Variants in DCX observed in about 807,000 individuals in gnomAD.
DCX encodes the protein doublecortin, also known as neuronal migration protein doublecortin.
DCX carries 4 observed loss-of-function variants against 20.9 expected under a neutral mutation model. That is an observed-to-expected ratio of 0.19 (90% CI 0.09 to 0.44). The LOEUF is 0.44. Among genes scored for constraint, DCX ranks in the 20% least tolerant of loss-of-function variants. DCX has a pLI of 0.99. For missense variants in DCX, 133 were observed against 296.9 expected, an observed-to-expected ratio of 0.45 and a Z score of 4.06; for synonymous variants, 103 against 111.4, an observed-to-expected ratio of 0.92 and a Z score of 0.47.
At chrX:111,387,851 G>A (rs1208464321) in intron 3 of DCX, among the ~76,000 whole-genome samples, 1 of 111,670 alleles carries the variant, frequency 9.0e-6, no homozygotes, top group Non-Finnish European at 1.9e-5. Flanking sequence ...CATGCTGTGC[G>A]AGCCATTCAG....
At chrX:111,395,879 C>T (rs753622617) in intron 3 of DCX, among the ~76,000 whole-genome samples, 7 of 111,707 alleles carry the variant, frequency 6.3e-5, no homozygotes, top group Non-Finnish European at 1.3e-4. Flanking sequence ...CTGAGAGAGC[C>T]GGAGGCCAGG....
chrX:111,379,297 T>C (rs1178739794), intron 3 of DCX, among the ~76,000 whole-genome samples: 1 of 111,663 alleles, frequency 9.0e-6, no homozygotes, highest in African/African-American at 3.3e-5. Flanking sequence ...TGTGCAACTA[T>C]CACTGCAACC....
intron 3 of DCX, among the ~76,000 whole-genome samples, chrX:111,388,060 T>C (rs1926657768): frequency 1.8e-5 from 2 of 111,951 alleles, no homozygotes; most frequent in Non-Finnish European, 3.8e-5. Flanking sequence ...ACTAAATCTA[T>C]TGTGAAGGTT....
intron 3 of DCX, among the ~76,000 whole-genome samples, chrX:111,366,961 G>A (rs1196388335): frequency 9.0e-6 from 1 of 111,714 alleles, no homozygotes; most frequent in Non-Finnish European, 1.9e-5. Context: ...GAATAGTATC[G>A]TGAGTCTCTG....
chrX:111,316,090 A>AAATAAAT, intron 5 of DCX, among the ~76,000 whole-genome samples: 2 of 82,828 alleles, frequency 2.4e-5, no homozygotes, highest in African/African-American at 1.9e-4. Flanking sequence ...AAAAAATAAA[A>AAATAAAT]AAAAAAAAAA....
At chrX:111,318,184 C>CAA (rs1196651828) in intron 5 of DCX, among the ~76,000 whole-genome samples, 6 of 31,549 alleles carry the variant, frequency 1.9e-4, no homozygotes, top group East Asian at 1.1e-3. Context: ...GACTCGGTCT[C>CAA]AAAAAAAAAA....
chrX:111,375,223 CA>C (rs1175316912), intron 3 of DCX, among the ~76,000 whole-genome samples: 1 of 108,051 alleles, frequency 9.3e-6, no homozygotes, highest in Non-Finnish European at 1.9e-5. Flanking sequence ...ACTACATAAA[CA>C]CACACACAAA....
intron 3 of DCX, among the ~76,000 whole-genome samples, chrX:111,363,032 A>G (rs993652714): frequency 3.6e-5 from 4 of 111,959 alleles, no homozygotes; most frequent in Non-Finnish European, 5.6e-5. Flanking sequence ...TAAAGTTACA[A>G]CTGTGGTAAG....
chrX:111,367,474 T>C (rs751578937), intron 3 of DCX, among the ~76,000 whole-genome samples: 1 of 111,843 alleles, frequency 8.9e-6, no homozygotes, highest in East Asian at 2.8e-4. Context: ...TTCTTGAAAA[T>C]TGAGGTTTTA....
chrX:111,350,875 G>A (rs747117346), intron 3 of DCX, among the ~76,000 whole-genome samples: 4 of 112,265 alleles, frequency 3.6e-5, no homozygotes, highest in African/African-American at 1.3e-4. Context: ...CATGGTGGAA[G>A]GCAAGGATGA....
chrX:111,352,547 A>G (rs1170980856), intron 3 of DCX, among the ~76,000 whole-genome samples: 1 of 112,101 alleles, frequency 8.9e-6, no homozygotes, highest in Admixed American at 9.4e-5. Flanking sequence ...TGTATGGTTA[A>G]TGACTCAGCC....
intron 3 of DCX, among the ~76,000 whole-genome samples, chrX:111,347,469 C>T (rs1044729984): frequency 4.5e-5 from 5 of 111,567 alleles, no homozygotes; most frequent in Non-Finnish European, 7.5e-5. Context: ...CTTTGGCTTG[C>T]CTTGTGGGGC....
intron 5 of DCX, among the ~76,000 whole-genome samples, chrX:111,326,619 G>A (rs1217924706): frequency 1.8e-5 from 2 of 111,664 alleles, no homozygotes; most frequent in Admixed American, 1.9e-4. Flanking sequence ...ATATGACTTG[G>A]ATTCTAAGAG....
At chrX:111,361,389 T>C (rs1924195594) in intron 3 of DCX, among the ~76,000 whole-genome samples, 1 of 112,317 alleles carries the variant, frequency 8.9e-6, no homozygotes, top group African/African-American at 3.2e-5. Context: ...ATTTTTGTTT[T>C]GCATGGGACA....
At chrX:111,378,655 T>C (rs1925728139) in intron 3 of DCX, among the ~76,000 whole-genome samples, 1 of 111,112 alleles carries the variant, frequency 9.0e-6, no homozygotes, top group African/African-American at 3.3e-5. Context: ...CATTAGTAGC[T>C]TGCCCCACGA....
At chrX:111,389,611 G>T in intron 3 of DCX, among the ~76,000 whole-genome samples, 1 of 111,595 alleles carries the variant, frequency 9.0e-6, no homozygotes, top group Non-Finnish European at 1.9e-5. Context: ...CCAGCTACTC[G>T]GGAGGCTAAA....
chrX:111,312,880 A>G (rs772371943), intron 5 of DCX, 144 bp from the exon 6 acceptor site: 124 of 566,131 alleles, frequency 2.2e-4, no homozygotes, highest in Middle Eastern at 1.8e-3. Flanking sequence ...CAAAGGTGAA[A>G]AGAAACACAT....
chrX:111,389,454 A>C (rs971707484), intron 3 of DCX, among the ~76,000 whole-genome samples: 2 of 111,507 alleles, frequency 1.8e-5, no homozygotes, highest in African/African-American at 6.5e-5. Context: ...TCCCAAGCCT[A>C]TATCTCTAGC....
intron 3 of DCX, among the ~76,000 whole-genome samples, chrX:111,338,876 C>T (rs755696625): frequency 9.0e-6 from 1 of 111,497 alleles, no homozygotes; most frequent in African/African-American, 3.3e-5. Flanking sequence ...CAACTCAATC[C>T]GATCAGGCTT....
Sources: gnomAD v4.1 joint callset for allele counts (sites outside exome capture counted in the v4.1 genomes callset) on GRCh38, gnomAD v4.1.1 for gene constraint, MANE v1.5 for transcripts, NCBI Gene and HGNC (gene_info 2026-07-23, HGNC 2026-07-21) for gene names.